TSPAN8: variants seen among roughly 807,000 people sequenced by gnomAD.
TSPAN8 encodes tetraspanin 8.
In TSPAN8, 21 loss-of-function variants were observed where a neutral mutation model predicts 32.8. That is an observed-to-expected ratio of 0.64 (90% CI 0.45 to 0.92). TSPAN8 has a LOEUF of 0.92. Among genes scored for constraint, TSPAN8 ranks in the 40% least tolerant of loss-of-function variants. TSPAN8 has a pLI of 0.00. For missense variants in TSPAN8, 269 were observed against 281.9 expected, an observed-to-expected ratio of 0.95 and a Z score of 0.33; for synonymous variants, 95 against 94.6, an observed-to-expected ratio of 1.00 and a Z score of -0.03.
At chr12:71,137,600 C>A (rs1010977269) in intron 6 of TSPAN8, among the ~76,000 whole-genome samples, 19 of 70,578 alleles carry the variant, frequency 2.7e-4, no homozygotes, top group Non-Finnish European at 7.6e-4. Flanking sequence ...ACTCTGTCCC[C>A]CCCCAAAAAA....
intron 2 of TSPAN8, among the ~76,000 whole-genome samples, chr12:71,146,707 A>G (rs1212993454): frequency 1.3e-5 from 2 of 152,104 alleles, no homozygotes; most frequent in Non-Finnish European, 2.9e-5. Flanking sequence ...TCTGGTTTTC[A>G]TTCAGCTTTC....
chr12:71,134,439 G>C (rs1009988402), intron 6 of TSPAN8, among the ~76,000 whole-genome samples: 34 of 152,286 alleles, frequency 2.2e-4, no homozygotes, highest in African/African-American at 7.9e-4. Context: ...AAATAACAGA[G>C]ATAAACTAAC....
Position 71,125,323 on chromosome 12 carries a change from C to T in TSPAN8, c.*11G>A, listed in dbSNP as rs771467908. Reference sequence around the variant, plus strand: ...GGGTTTGACTGACGATAGGTTGATGCATCCACAGATTCATTTGTTCCCGAT... The same window carrying T: ...GGGTTTGACTGACGATAGGTTGATGTATCCACAGATTCATTTGTTCCCGAT... On this transcript the variant is annotated 3_prime_UTR_variant, in exon 9 of 9. Transcript: ENST00000247829. 1.1e-5 allele frequency: 17 copies of T among 1,609,786 alleles called. No individual in the cohort carries two copies. The highest frequency in any genetic ancestry group is 1.4e-5 in the Non-Finnish European group (17 of 1,177,932).
rs11830205 is a variant in TSPAN8, at chr12:71,128,342, C to T, written c.660+989G>A. On this transcript the variant is annotated intron_variant, in intron 8 of 8. Coordinates refer to ENST00000247829, the MANE Select transcript of TSPAN8 (RefSeq NM_004616.3). The stretch of plus-strand genomic sequence containing the variant: ...ATTCCCAGTTAAAATTTCTTTCTGG[C>T]AGTGATGTGGCACGAGTAAGAGGTA... Among the ~76,000 whole-genome samples the T allele has an allele frequency of 6.4e-3, 973 of 152,228 alleles. 13 individuals carry two copies. The highest frequency in any genetic ancestry group is 0.022 in the African/African-American group (906 of 41,548).
At chr12:71,130,181 C>T (rs1871476869) in intron 7 of TSPAN8, among the ~76,000 whole-genome samples, 1 of 151,988 alleles carries the variant, frequency 6.6e-6, no homozygotes. Flanking sequence ...CTTGAACTCC[C>T]GGGCTCAAGC....
chr12:71,144,630 C>T (rs1310305899), intron 2 of TSPAN8, among the ~76,000 whole-genome samples: 3 of 152,128 alleles, frequency 2.0e-5, no homozygotes, highest in Non-Finnish European at 2.9e-5. Flanking sequence ...AAGGGAATGA[C>T]GGAATAGTCA....
chr12:71,132,492 A>T (rs1871547445), intron 7 of TSPAN8, among the ~76,000 whole-genome samples: 1 of 152,192 alleles, frequency 6.6e-6, no homozygotes. Flanking sequence ...TATTGGGCTT[A>T]AATGATGCCA....
At chr12:71,149,974 T>C (rs889461233) in intron 2 of TSPAN8, among the ~76,000 whole-genome samples, 1 of 152,186 alleles carries the variant, frequency 6.6e-6, no homozygotes, top group African/African-American at 2.4e-5. Flanking sequence ...TAAATTCTTT[T>C]CCTAGAAAGG....
intron 2 of TSPAN8, among the ~76,000 whole-genome samples, chr12:71,144,494 G>A (rs1872010103): frequency 6.6e-6 from 1 of 152,144 alleles, no homozygotes; most frequent in Non-Finnish European, 1.5e-5. Context: ...ATTTTTCCAT[G>A]TAACTCTAGC....
chr12:71,128,655 T>TTTA (rs398020074), intron 8 of TSPAN8, among the ~76,000 whole-genome samples: 1 of 139,396 alleles, frequency 7.2e-6, no homozygotes, highest in Non-Finnish European at 1.6e-5. Context: ...TTTTTTTTTT[T>TTTA]AAAAAAAAAA....
chr12:71,137,396 C>G (rs1871735055), intron 6 of TSPAN8, among the ~76,000 whole-genome samples: 1 of 152,138 alleles, frequency 6.6e-6, no homozygotes, highest in African/African-American at 2.4e-5. Context: ...GTCAGGAGTT[C>G]AAGACCAACC....
chr12:71,140,425 C>T (rs1026699843), intron 3 of TSPAN8, among the ~76,000 whole-genome samples: 1 of 152,168 alleles, frequency 6.6e-6, no homozygotes, highest in African/African-American at 2.4e-5. Flanking sequence ...CAAGAGTTAA[C>T]TGAAAAGGGA....
chr12:71,148,756 T>A (rs1872152395), intron 2 of TSPAN8, among the ~76,000 whole-genome samples: 1 of 152,356 alleles, frequency 6.6e-6, no homozygotes, highest in African/African-American at 2.4e-5. Flanking sequence ...CTGTCTTTAT[T>A]TAATGTGATC....
At position 71,139,806 on chromosome 12, in the gene TSPAN8, C is replaced by T; in HGVS notation, c.166G>A (p.Val56Met). The change falls in exon 4 of 9, where the codon GTG becomes ATG. Residue 56 changes from valine to methionine, a missense_variant. Transcript: ENST00000247829. ...EDVGSSSYVA[V>M]DILIAVGAII... ...GCACCTACAGCAATCAATATGTCCA[C>T]AGCAACGTAGGAGCTAGAGCCTACA... is the stretch of plus-strand genomic sequence containing the variant. The T allele has an allele frequency of 6.2e-7, 1 of 1,613,936 alleles. No homozygotes were observed. The highest frequency in any genetic ancestry group is 8.5e-7 in the Non-Finnish European group (1 of 1,179,866).
At chr12:71,139,922 A>G in intron 3 of TSPAN8, 74 bp from the exon 4 acceptor site, 1 of 1,372,726 alleles carries the variant, frequency 7.3e-7, no homozygotes, top group Admixed American at 2.3e-5. Context: ...ACAAATATCC[A>G]TTGAGTGCCT....
At chr12:71,126,848 T>C (rs1413846628) in intron 8 of TSPAN8, among the ~76,000 whole-genome samples, 3 of 151,984 alleles carry the variant, frequency 2.0e-5, no homozygotes, top group Non-Finnish European at 4.4e-5. Context: ...AGTATGATAG[T>C]CTGGCTGTTT....
intron 2 of TSPAN8, among the ~76,000 whole-genome samples, chr12:71,154,234 T>C (rs1392572449): frequency 6.6e-6 from 1 of 151,614 alleles, no homozygotes; most frequent in Admixed American, 6.6e-5. Context: ...CGCTAGAACC[T>C]GGGAAGCAGA....
In TSPAN8 at chr12:71,144,317, A is replaced by G. The variant is rs559181964; in HGVS notation, c.61-104T>C. Reference sequence around the variant, plus strand: ...CGGTGACAGTAGTTCATCATCGACTATACTATCACAACCTGGAAGACATAA... The same window carrying G: ...CGGTGACAGTAGTTCATCATCGACTGTACTATCACAACCTGGAAGACATAA... On this transcript the variant is annotated intron_variant, in intron 2 of 8. Transcript: ENST00000247829. The G allele has an allele frequency of 3.0e-5, 28 of 933,772 alleles. No individual in the cohort carries two copies. In the African/African-American group the frequency reaches 3.8e-4, roughly 13 times the overall value. The allele number at this position is 933,772 out of a possible 1,614,324, so 57.8% of individuals were successfully genotyped here.
chr12:71,128,938 T>C (rs1271638507), intron 8 of TSPAN8, among the ~76,000 whole-genome samples: 1 of 152,144 alleles, frequency 6.6e-6, no homozygotes, highest in Non-Finnish European at 1.5e-5. Flanking sequence ...AGATGAGAAA[T>C]AAGAAATTGT....
Sources: allele counts gnomAD v4.1 joint callset (sites outside exome capture counted in the v4.1 genomes callset), GRCh38; gene constraint gnomAD v4.1.1; transcripts MANE v1.5; gene names NCBI Gene and HGNC (gene_info 2026-07-23, HGNC 2026-07-21).